The following LRRC37A2 variants were observed in gnomAD, a reference collection of about 807,000 sequenced individuals.
LRRC37A2 encodes leucine-rich repeat-containing protein 37A2.
A neutral mutation model predicts 68.8 loss-of-function variants in LRRC37A2; 9 were observed. That is an observed-to-expected ratio of 0.13 (90% CI 0.08 to 0.23). The LOEUF is 0.23. LRRC37A2 is among the 10% of genes least tolerant of loss of function. LRRC37A2 has a pLI of 1.00. For synonymous variants in LRRC37A2, 63 were observed against 367.6 expected, an observed-to-expected ratio of 0.17 and a Z score of 9.48; for missense variants, 168 against 950.4, an observed-to-expected ratio of 0.18 and a Z score of 10.82.
At chr17:46,803,864 A>G in the LRRC37A2 span, among the ~76,000 whole-genome samples, 2 of 152,240 alleles carry the variant, frequency 1.3e-5, no homozygotes, top group Non-Finnish European at 2.9e-5. Context: ...CAGATACTCC[A>G]GGAGCCTAAA....
At chr17:46,900,168 C>CATATACATATAT in the LRRC37A2 span, among the ~76,000 whole-genome samples, 1 of 64,058 alleles carries the variant, frequency 1.6e-5, no homozygotes, top group Non-Finnish European at 2.8e-5. Context: ...TATACATATA[C>CATATACATATAT]ATATATATAT....
At chr17:46,780,135 CAT>C in the LRRC37A2 span, among the ~76,000 whole-genome samples, 1 of 152,226 alleles carries the variant, frequency 6.6e-6, no homozygotes, top group African/African-American at 2.4e-5. Context: ...ACGCACCTAA[CAT>C]ATGGTGAGAC....
At chr17:46,766,652 A>T in the LRRC37A2 span, among the ~76,000 whole-genome samples, 1 of 152,118 alleles carries the variant, frequency 6.6e-6, no homozygotes, top group South Asian at 2.1e-4. Context: ...AGATGGGCTG[A>T]GTGAGTCGCC....
chr17:46,936,965 T>TTA, the LRRC37A2 span: 2 of 195,776 alleles, frequency 1.0e-5, no homozygotes, highest in Middle Eastern at 2.5e-3. Flanking sequence ...GTGTATTTAT[T>TTA]AAAAAAAAAA....
the LRRC37A2 span, among the ~76,000 whole-genome samples, chr17:46,959,631 A>C: frequency 6.6e-6 from 1 of 152,358 alleles, no homozygotes; most frequent in Admixed American, 6.5e-5. Flanking sequence ...AAAACTTTTC[A>C]TACCAACTCC....
At chr17:46,883,064 C>T in the LRRC37A2 span, among the ~76,000 whole-genome samples, 13 of 152,160 alleles carry the variant, frequency 8.5e-5, no homozygotes, top group East Asian at 9.7e-4. Context: ...CTGCAAGCTC[C>T]GCCTCCCAGG....
chr17:46,416,279 AG>A, the LRRC37A2 span, among the ~76,000 whole-genome samples: 3 of 61,716 alleles, frequency 4.9e-5, no homozygotes, highest in Admixed American at 4.3e-4. Context: ...TGTACTTTCT[AG>A]GATTTTTTTT....
chr17:46,931,508 G>A, the LRRC37A2 span: 1 of 449,320 alleles, frequency 2.2e-6, no homozygotes, highest in Middle Eastern at 6.3e-4. Flanking sequence ...GCCTAATGTT[G>A]CCATGGAGTT....
chr17:46,757,951 G>A, the LRRC37A2 span, among the ~76,000 whole-genome samples: 3 of 151,496 alleles, frequency 2.0e-5, no homozygotes, highest in Admixed American at 6.6e-5. Context: ...CCAGGATCAC[G>A]CCACTTGCAC....
chr17:46,740,901 A>C, the LRRC37A2 span, among the ~76,000 whole-genome samples: 5 of 152,086 alleles, frequency 3.3e-5, no homozygotes, highest in African/African-American at 4.8e-5. Context: ...ACCGTTGGTG[A>C]TCTGCCCGTC....
the LRRC37A2 span, among the ~76,000 whole-genome samples, chr17:46,836,117 T>TGTGTGTGTGTGTGTGTGC: frequency 1.3e-5 from 2 of 151,440 alleles, no homozygotes; most frequent in East Asian, 3.9e-4. Context: ...TGTGTGTGTG[T>TGTGTGTGTGTGTGTGTGC]GTGTGTGTGT....
chr17:46,769,876 G>A, the LRRC37A2 span: 3 of 1,613,604 alleles, frequency 1.9e-6, no homozygotes, highest in Non-Finnish European at 1.7e-6. Flanking sequence ...ACACTAACAC[G>A]CCGAAGTCAG....
the LRRC37A2 span, among the ~76,000 whole-genome samples, chr17:46,777,545 C>T: frequency 6.6e-6 from 1 of 152,384 alleles, no homozygotes; most frequent in South Asian, 2.1e-4. Context: ...GCCCTTCCTG[C>T]TGTGCAGACG....
the LRRC37A2 span, among the ~76,000 whole-genome samples, chr17:46,495,196 A>AATATCCTC: frequency 6.9e-6 from 1 of 145,884 alleles, no homozygotes; most frequent in African/African-American, 2.7e-5. Context: ...ATGGCTGAAT[A>AATATCCTC]ATATCCTCTT....
chr17:47,018,282 G>A, the LRRC37A2 span: 7 of 1,611,356 alleles, frequency 4.3e-6, no homozygotes, highest in East Asian at 4.5e-5. Context: ...GCAGCAGCCA[G>A]TTCAGCCTTC....
At chr17:46,969,363 G>A in the LRRC37A2 span, among the ~76,000 whole-genome samples, 1 of 152,240 alleles carries the variant, frequency 6.6e-6, no homozygotes, top group African/African-American at 2.4e-5. Flanking sequence ...AGGAAGGAGG[G>A]TGGTGGGCCA....
chr17:46,818,511 G>A, the LRRC37A2 span: 2 of 1,604,450 alleles, frequency 1.2e-6, no homozygotes, highest in Non-Finnish European at 1.7e-6. Context: ...CAAGAGGCGA[G>A]TCTTACCACC....
chr17:46,779,986 T>C, the LRRC37A2 span, among the ~76,000 whole-genome samples: 127,991 of 152,212 alleles, frequency 0.84, 54,117 homozygotes, highest in East Asian at 1. Flanking sequence ...CTGGAACTCC[T>C]GACCAAGTGA....
chr17:46,791,125 C>G, the LRRC37A2 span, among the ~76,000 whole-genome samples: 1,639 of 152,250 alleles, frequency 0.011, 28 homozygotes, highest in African/African-American at 0.038. Context: ...AGGCAGCAAG[C>G]CTTTTCCCTA....
Sources: allele counts gnomAD v4.1 joint callset (sites outside exome capture counted in the v4.1 genomes callset), GRCh38; gene constraint gnomAD v4.1.1; transcripts MANE v1.5; gene names NCBI Gene and HGNC (gene_info 2026-07-23, HGNC 2026-07-21).